Variants in VIPR2 observed in about 807,000 individuals in gnomAD.
VIPR2 encodes vasoactive intestinal peptide receptor 2, also known as vasoactive intestinal polypeptide receptor 2.
In VIPR2, 48 loss-of-function variants were observed where a neutral mutation model predicts 58.0. The ratio of observed to expected loss-of-function variants is 0.83; its 90% CI spans 0.66 to 1.05. VIPR2 has a LOEUF of 1.05. VIPR2 is among the 50% of genes least tolerant of loss of function. The pLI is 0.00. For missense variants in VIPR2, 534 were observed against 558.0 expected, an observed-to-expected ratio of 0.96 and a Z score of 0.43; for synonymous variants, 243 against 235.2, an observed-to-expected ratio of 1.03 and a Z score of -0.30.
At chr7:159,034,171 G>A (rs769417493) in intron 10 of VIPR2, 42 bp downstream of exon 10, 47 of 1,599,340 alleles carry the variant, frequency 2.9e-5, no homozygotes, top group African/African-American at 2.0e-4. Context: ...GTCTCCACAC[G>A]GCATCCCCAT....
At chr7:159,053,055 A>G (rs552455662) in intron 5 of VIPR2, among the ~76,000 whole-genome samples, 2 of 152,328 alleles carry the variant, frequency 1.3e-5, no homozygotes, top group African/African-American at 4.8e-5. Context: ...AAGTGAATTT[A>G]TGGAATAAAG....
intron 2 of VIPR2, among the ~76,000 whole-genome samples, chr7:159,132,942 T>C (rs1797023286): frequency 6.8e-6 from 1 of 146,966 alleles, no homozygotes; most frequent in Non-Finnish European, 1.5e-5. Context: ...ATGATTGGCA[T>C]ACAGATTGAT....
In VIPR2 at chr7:159,058,575, T is replaced by C. The variant is rs770029171; in HGVS notation, c.361A>G (p.Thr121Ala). ...ATGGCCTTCACCAGAATATAAAACG[T>C]GATCTACAAAGAAAGAAAACAGATC... is the stretch of plus-strand genomic sequence containing the variant. The part of the protein sequence containing the change: ...YSDPEDESKI[T>A]FYILVKAIYT... The change falls in exon 5 of 13, where the codon ACG (threonine) becomes GCG (alanine). Residue 121 changes from threonine to alanine, a missense_variant. By Grantham distance (58) the Thr-to-Ala change is moderately conservative. Around this residue, in one of 3 missense-constraint regions of VIPR2, gnomAD observed 224 missense variants for 255.7 expected, o/e 0.88. Coordinates refer to ENST00000262178, the MANE Select transcript of VIPR2 (RefSeq NM_003382.5). 4.4e-6 allele frequency: 7 copies of C among 1,606,172 alleles called. No individual in the cohort carries two copies. The highest frequency in any genetic ancestry group is 6.0e-6 in the Non-Finnish European group (7 of 1,173,126).
chr7:159,138,813 T>G (rs1307755949), intron 2 of VIPR2, among the ~76,000 whole-genome samples: 2 of 152,238 alleles, frequency 1.3e-5, no homozygotes, highest in African/African-American at 4.8e-5. Context: ...ATATACATTT[T>G]TGAACAGAAT....
In VIPR2 at chr7:159,031,580, AGACG is replaced by A. The variant is rs955037543; in HGVS notation, c.1143+244_1143+247del. 9 of 985,340 alleles carry A rather than the reference AGACG, an allele frequency of 9.1e-6. No homozygotes were observed. The highest frequency in any genetic ancestry group is 1.1e-5 in the Non-Finnish European group (9 of 829,926). The allele number at this position is 985,340 out of a possible 1,614,324, so 61.0% of individuals were successfully genotyped here. ...CGGGAGCTTTCCCGAGAGGGCTCCG[AGACG>A]GACGGCAGTCGATGCTACTTAGGGT... is the stretch of plus-strand genomic sequence containing the variant. On this transcript the variant is annotated intron_variant, in intron 12 of 12. Coordinates refer to ENST00000262178, the MANE Select transcript of VIPR2 (RefSeq NM_003382.5). The surrounding 1 kb of genome is among the most constrained non-coding windows in gnomAD (Gnocchi z 4.0).
chr7:159,031,787 G>C lies in VIPR2; in HGVS notation c.1143+41C>G, dbSNP rs937694451. ...GGCTGGGCAGCATCTCAGGAAGCAA[G>C]TGAGTACCTGTGCTTGGTTCCAAGG... On this transcript the variant is annotated intron_variant, in intron 12 of 12. Transcript: ENST00000262178. This position sits in a 1 kb window ranked among gnomAD's most constrained non-coding sequence, Gnocchi z 4.0. 5 of 1,613,538 alleles carry C rather than the reference G, an allele frequency of 3.1e-6. No individual in the cohort carries two copies. The African/African-American group carries it at 6.7e-5, about 22-fold the overall frequency.
At chr7:159,113,765 A>G (rs755421272) in intron 2 of VIPR2, among the ~76,000 whole-genome samples, 8 of 152,230 alleles carry the variant, frequency 5.3e-5, no homozygotes, top group Admixed American at 1.3e-4. Context: ...GGCTGGCAGG[A>G]TGATAAATTA....
chr7:159,064,130 G>GC (rs920667297), intron 4 of VIPR2, among the ~76,000 whole-genome samples: 3 of 109,620 alleles, frequency 2.7e-5, no homozygotes. Context: ...GGGAAGCCGC[G>GC]CCCGGCGTGG....
intron 2 of VIPR2, among the ~76,000 whole-genome samples, chr7:159,131,868 C>G (rs1178030658): frequency 6.6e-6 from 1 of 152,212 alleles, no homozygotes; most frequent in Admixed American, 6.5e-5. Context: ...ATAAGCGACA[C>G]TTAACCTGAG....
In VIPR2 at chr7:159,049,189, A is replaced by G. The variant is rs546491245; in HGVS notation, c.456-6013T>C. Among the ~76,000 whole-genome samples, 7 of 152,328 alleles carry G rather than the reference A, an allele frequency of 4.6e-5. No individual in the cohort carries two copies. The East Asian group carries it at 1.2e-3, about 25-fold the overall frequency. The stretch of plus-strand genomic sequence containing the variant: ...TTTATGTGACATCTTGCTTTTCTAA[A>G]AAGTATTCAGAACATTTTGTTTACA... On this transcript the variant is annotated intron_variant, in intron 5 of 12. Coordinates refer to ENST00000262178, the MANE Select transcript of VIPR2 (RefSeq NM_003382.5).
chr7:159,144,763 C>T lies in VIPR2; in HGVS notation c.9G>A (p.Thr3=). MR[T]LLPPALLTCW... is the part of the protein sequence containing the mutation. ...AGGTCAGCAGCGCGGGAGGCAGCAG[C>T]GTCCGCATCCCGAGCTCAGCGTGCC... The change falls in exon 1 of 13, where the codon ACG becomes ACA. Residue 3 remains threonine (T), a synonymous_variant. Coordinates refer to ENST00000262178, the MANE Select transcript of VIPR2 (RefSeq NM_003382.5). The T allele has an allele frequency of 7.9e-7, 1 of 1,260,836 alleles. No homozygotes were observed. The allele number at this position is 1,260,836 out of a possible 1,614,324, so 78.1% of individuals were successfully genotyped here.
chr7:159,126,209 A>C (rs1316567609), intron 2 of VIPR2, among the ~76,000 whole-genome samples: 1 of 152,216 alleles, frequency 6.6e-6, no homozygotes, highest in African/African-American at 2.4e-5. Flanking sequence ...CAGGTGGCCA[A>C]TTACAAAATA....
At chr7:159,136,238 G>T (rs900908132) in intron 2 of VIPR2, among the ~76,000 whole-genome samples, 1 of 152,120 alleles carries the variant, frequency 6.6e-6, no homozygotes, top group Non-Finnish European at 1.5e-5. Flanking sequence ...TGTAGTGAGG[G>T]GGCTGAGCGT....
At position 159,093,850 on chromosome 7, in the gene VIPR2, CCT is replaced by C. The variant is rs1857654074; in HGVS notation, c.357+9905_357+9906del. Among the ~76,000 whole-genome samples the C allele has an allele frequency of 6.6e-6, 1 of 152,164 alleles. No homozygotes were observed. Among genetic ancestry groups the C allele is most frequent in the Non-Finnish European group, 1.5e-5 (1 of 68,022 alleles). On this transcript the variant is annotated intron_variant, in intron 4 of 12. Transcript: ENST00000262178. The surrounding 1 kb of genome is among the most constrained non-coding windows in gnomAD (Gnocchi z 6.7). Reference sequence around the variant, plus strand: ...GACATGGGAGAGGCCCCGCAGTGTCCCTGAGTCTCCTGGACAGCGGCCACCCC... The same window carrying C: ...GACATGGGAGAGGCCCCGCAGTGTCCGAGTCTCCTGGACAGCGGCCACCCC...
chr7:159,091,543 C>T (rs1233905709), intron 4 of VIPR2, among the ~76,000 whole-genome samples: 1 of 152,228 alleles, frequency 6.6e-6, no homozygotes, highest in Admixed American at 6.5e-5. Context: ...CCCTCCTTGC[C>T]TGCTTTGCAC....
At chr7:159,092,379 G>A (rs1440193704) in intron 4 of VIPR2, among the ~76,000 whole-genome samples, 1 of 152,198 alleles carries the variant, frequency 6.6e-6, no homozygotes, top group African/African-American at 2.4e-5. Flanking sequence ...AGGGGACAGC[G>A]ACCTGAGTAC....
chr7:159,057,335 A>G (rs1855382982), intron 5 of VIPR2, among the ~76,000 whole-genome samples: 1 of 152,222 alleles, frequency 6.6e-6, no homozygotes, highest in South Asian at 2.1e-4. Flanking sequence ...AATAACTAGA[A>G]TATGATAGGC....
At chr7:159,112,823 G>A (rs113172395) in intron 2 of VIPR2, among the ~76,000 whole-genome samples, 921 of 78,514 alleles carry the variant, frequency 0.012, no homozygotes, top group African/African-American at 0.035. Context: ...TGAAGAGGAG[G>A]CTCACGGCGC....
At chr7:159,104,528 C>T (rs1858517107) in intron 3 of VIPR2, among the ~76,000 whole-genome samples, 1 of 144,574 alleles carries the variant, frequency 6.9e-6, no homozygotes, top group South Asian at 2.2e-4. Context: ...CCTGGCAGCA[C>T]CCTCCCTCCT....
Sources: gnomAD v4.1 joint callset for allele counts (sites outside exome capture counted in the v4.1 genomes callset) on GRCh38, gnomAD v4.1.1 for gene constraint, gnomAD v4.1.1 regional missense constraint, Gnocchi (gnomAD v3.1) non-coding constraint, MANE v1.5 for transcripts, NCBI Gene and HGNC (gene_info 2026-07-23, HGNC 2026-07-21) for gene names.